Variants in RGL4 observed in about 807,000 individuals in gnomAD.
The protein encoded by RGL4 is ral-GDS-related protein.
In RGL4, 41 loss-of-function variants were observed where a neutral mutation model predicts 49.6. The ratio of observed to expected loss-of-function variants is 0.83; its 90% CI spans 0.64 to 1.07. The LOEUF is 1.07. Among genes scored for constraint, RGL4 ranks in the 50% least tolerant of loss-of-function variants. The pLI is 0.00. For synonymous variants in RGL4, 255 were observed against 238.0 expected (o/e 1.07, Z -0.66); for missense variants, 610 against 591.9 (o/e 1.03, Z -0.32).
Position 23,691,855 on chromosome 22 carries a change from G to A in RGL4, c.-176G>A. 5.0e-6 allele frequency: 3 copies of A among 600,554 alleles called. No individual in the cohort carries two copies. Among genetic ancestry groups the A allele is most frequent in the Non-Finnish European group, 5.8e-6 (2 of 345,452 alleles). The allele number at this position is 600,554 out of a possible 1,614,324, so 37.2% of individuals were successfully genotyped here. ...CCACAAGAGGCAAATAGTGAGTTCT[G>A]TAAATGGAGACTTAGGTCCCCTGCA... On this transcript the variant is annotated 5_prime_UTR_variant, in exon 1 of 11. Transcript: ENST00000290691.
rs1051577947 is a variant in RGL4, at chr22:23,698,092, G to T, written c.1261-120G>T. ...ATCCAACTCTGAGAACAGGCTGGGG[G>T]CGCTGCATGGGACCCCTTCAGAAAA... On this transcript the variant is annotated intron_variant, in intron 9 of 10. Coordinates refer to ENST00000290691, the MANE Select transcript of RGL4 (RefSeq NM_153615.2). 3.1e-5 allele frequency: 42 copies of T among 1,344,874 alleles called. 1 individual carries two copies. Among genetic ancestry groups the T allele is most frequent in the Non-Finnish European group, 4.1e-5 (40 of 980,292 alleles). 83.3% of individuals were successfully genotyped at this position (1,344,874 alleles called of 1,614,324 possible). A position where few individuals can be genotyped will look rare whatever the true frequency, so the allele number is the denominator to read the frequency against.
In RGL4 at chr22:23,695,614, C is replaced by T. The variant is rs575533814; in HGVS notation, c.1086+595C>T. 3.1e-4 allele frequency: 107 copies of T among 348,882 alleles called. 1 individual carries two copies. The Middle Eastern group carries it at 8.5e-3, about 28-fold the overall frequency. 21.6% of individuals were successfully genotyped at this position (348,882 alleles called of 1,614,324 possible). A position where few individuals can be genotyped will look rare whatever the true frequency, so the allele number is the denominator to read the frequency against. On this transcript the variant is annotated intron_variant, in intron 6 of 10. Coordinates refer to ENST00000290691, the MANE Select transcript of RGL4 (RefSeq NM_153615.2). ...TACCAATGGGCATACTGGGGACAGA[C>T]GTAGCTGTTTGCTGGGACTCCCCAC...
intron 6 of RGL4, among the ~76,000 whole-genome samples, chr22:23,695,831 A>AT (rs1923456483): frequency 6.6e-6 from 1 of 152,198 alleles, no homozygotes; most frequent in African/African-American, 2.4e-5. Context: ...AAACCCTGCC[A>AT]TTGCAGTCAG....
In RGL4 at chr22:23,691,088, G is replaced by C. The variant is rs1923107944; in HGVS notation, c.-943G>C. 1 of 152,180 alleles carries C rather than the reference G, an allele frequency of 6.6e-6. No homozygotes were observed. Among genetic ancestry groups the C allele is most frequent in the African/African-American group, 2.4e-5 (1 of 41,426 alleles). The allele number at this position is 152,180 out of a possible 1,614,324, so 9.4% of individuals were successfully genotyped here. On this transcript the variant is annotated 5_prime_UTR_variant, in exon 1 of 11. Coordinates refer to ENST00000290691, the MANE Select transcript of RGL4 (RefSeq NM_153615.2). The stretch of plus-strand genomic sequence containing the variant: ...AGACGAACCTCACAGGGTTCTTGTA[G>C]GGACTCAATGATCTAAGACACAGCA...
chr22:23,692,605 C>A, intron 2 of RGL4, 64 bp from the exon 3 acceptor site: 1 of 1,575,096 alleles, frequency 6.3e-7, no homozygotes, highest in South Asian at 1.2e-5. Context: ...TCCACCCGGT[C>A]ATTTCTGTGC....
chr22:23,697,845 C>T lies in RGL4; in HGVS notation c.1244C>T (p.Thr415Ile), dbSNP rs375983802. 6 of 1,607,200 alleles carry T rather than the reference C, an allele frequency of 3.7e-6. No homozygotes were observed. Among genetic ancestry groups the T allele is most frequent in the East Asian group, 4.5e-5 (2 of 44,666 alleles). ...SAIPDDLDGN[T>I]NKRSKEVRVL... is the part of the protein sequence containing the mutation. Reference sequence around the variant, plus strand: ...ACTCTGTCTGCCTTCCAGGGCAACACCAACAAGAGGAGCAAGGTGAGCAGC... The same window carrying T: ...ACTCTGTCTGCCTTCCAGGGCAACATCAACAAGAGGAGCAAGGTGAGCAGC... The change falls in exon 9 of 11, where the codon ACC (threonine) becomes ATC (isoleucine). Residue 415 changes from threonine to isoleucine, a missense_variant. By Grantham distance (89) the Thr-to-Ile change is moderately conservative. Coordinates refer to ENST00000290691, the MANE Select transcript of RGL4 (RefSeq NM_153615.2).
chr22:23,692,053 T>C lies in RGL4; in HGVS notation c.23T>C (p.Leu8Pro). ...TTGATGAGGAAGCTGCTCACAAATC[T>C]GCCTGCAGCTGCAGTCTTGAGTGCC... MRKLLTN[L>P]PAAAVLSAQV... The change falls in exon 1 of 11, where the codon CTG (leucine) becomes CCG (proline). Residue 8 changes from leucine to proline, a missense_variant. By Grantham distance (98) the Leu-to-Pro change is moderately conservative. Coordinates refer to ENST00000290691, the MANE Select transcript of RGL4 (RefSeq NM_153615.2). The C allele has an allele frequency of 6.2e-7, 1 of 1,613,954 alleles. No homozygotes were observed. The highest frequency in any genetic ancestry group is 8.5e-7 in the Non-Finnish European group (1 of 1,179,898).
intron 4 of RGL4, 103 bp downstream of exon 4, chr22:23,694,077 C>A (rs1021630421): frequency 5.0e-6 from 5 of 1,005,092 alleles, no homozygotes; most frequent in Non-Finnish European, 4.5e-6. Flanking sequence ...TGGCCTGGAC[C>A]CTGCACATCC....
rs1923155376 is a variant in RGL4, at chr22:23,691,889, G to A, written c.-142G>A. On this transcript the variant is annotated 5_prime_UTR_variant, in exon 1 of 11. Transcript: ENST00000290691. ...GACTTAGGTCCCCTGCAAAGCAGAG[G>A]GGAGGCTGGGGTCACAGCTGGCCAC... 1.3e-6 allele frequency: 1 copy of A among 771,122 alleles called. No individual in the cohort carries two copies. Among genetic ancestry groups the A allele is most frequent in the Non-Finnish European group, 2.1e-6 (1 of 484,374 alleles). The allele number at this position is 771,122 out of a possible 1,614,324, so 47.8% of individuals were successfully genotyped here. A position where few individuals can be genotyped will look rare whatever the true frequency, so the allele number is the denominator to read the frequency against.
chr22:23,692,290 G>A (rs755747879), intron 1 of RGL4, 45 bp from the exon 2 acceptor site: 2 of 1,609,050 alleles, frequency 1.2e-6, no homozygotes, highest in Non-Finnish European at 1.7e-6. Flanking sequence ...AGGGTTGTGT[G>A]GGAGAAGGCC....
intron 9 of RGL4, 78 bp downstream of exon 9, chr22:23,697,939 G>A (rs995513899): frequency 2.7e-6 from 4 of 1,505,706 alleles, no homozygotes; most frequent in Admixed American, 3.9e-5. Flanking sequence ...GACACTCCCT[G>A]GCTCCATCCT....
Position 23,695,463 on chromosome 22 carries a change from CT to C in RGL4, c.1086+445del. ...TCTGCTGCTGCTGCTGCTGCTGCTG[CT>C]GCTGCTGCTGCTGTCTGCAGCACAC... On this transcript the variant is annotated intron_variant, in intron 6 of 10. Coordinates refer to ENST00000290691, the MANE Select transcript of RGL4 (RefSeq NM_153615.2). The C allele has an allele frequency of 3.3e-6, 2 of 607,464 alleles. 1 individual carries two copies. Among genetic ancestry groups the C allele is most frequent in the Non-Finnish European group, 5.5e-6 (2 of 364,534 alleles). 37.6% of individuals were successfully genotyped at this position (607,464 alleles called of 1,614,324 possible).
chr22:23,696,607 C>T lies in RGL4; in HGVS notation c.1087-7C>T. ...GCCTCACTGTCCCTGTCGCTGACAC[C>T]TGGCAGGCGGGGAGCTTTAAGGTGG... On this transcript the variant is annotated splice_region_variant and splice_polypyrimidine_tract_variant and intron_variant, in intron 6 of 10. Transcript: ENST00000290691. 1 of 1,613,800 alleles carries T rather than the reference C, an allele frequency of 6.2e-7. No homozygotes were observed. The highest frequency in any genetic ancestry group is 8.5e-7 in the Non-Finnish European group (1 of 1,179,838).
Position 23,693,765 on chromosome 22 carries a change from T to C in RGL4, c.703T>C (p.Phe235Leu). 1 of 1,613,886 alleles carries C rather than the reference T, an allele frequency of 6.2e-7. No individual in the cohort carries two copies. Residue 235 changes from phenylalanine (F) to leucine (L), a missense_variant, in exon 4 of 11, where the codon TTC (phenylalanine) becomes CTC (leucine). Transcript: ENST00000290691. ...CTCTCCTCCTCCCCCAAAGGAGCTG[T>C]TCAAGAAGGTGGTGCTCCACGAATG... The part of the protein sequence containing the change: ...EQLTLMDAEL[F>L]KKVVLHECLG...
rs543451821 is a variant in RGL4 at position 23,698,242 on chromosome 22, C to T, written c.1291C>T (p.Leu431Phe). The T allele has an allele frequency of 2.5e-6, 4 of 1,610,776 alleles. No individual in the cohort carries two copies. Among genetic ancestry groups the T allele is most frequent in the African/African-American group, 1.3e-5 (1 of 75,000 alleles). ...EVRVLQEMQL[L>F]QVAAMNYRLR... The stretch of plus-strand genomic sequence containing the variant: ...CCGAGTTCTGCAGGAAATGCAGCTG[C>T]TCCAAGTGGCTGCCATGAATTACAG... Residue 431 changes from leucine (L) to phenylalanine (F), a missense_variant, in exon 10 of 11, where the codon CTC (leucine) becomes TTC (phenylalanine). Transcript: ENST00000290691.
In RGL4 at chr22:23,692,316, C is replaced by T; in HGVS notation, c.180-19C>T. 1 of 1,612,768 alleles carries T rather than the reference C, an allele frequency of 6.2e-7. No homozygotes were observed. The highest frequency in any genetic ancestry group is 8.5e-7 in the Non-Finnish European group (1 of 1,179,054). On this transcript the variant is annotated intron_variant, in intron 1 of 10. Coordinates refer to ENST00000290691, the MANE Select transcript of RGL4 (RefSeq NM_153615.2). Reference sequence around the variant, plus strand: ...GGAGAAGGCCAGGCCTCTGACTCAGCTGTCTACTCCATCACCAGCACCATC... The same window carrying T: ...GGAGAAGGCCAGGCCTCTGACTCAGTTGTCTACTCCATCACCAGCACCATC...
rs373692952 is a variant in RGL4 at position 23,698,359 on chromosome 22, G to A, written c.1382+26G>A. 2.5e-6 allele frequency: 4 copies of A among 1,587,564 alleles called. No homozygotes were observed. In the African/African-American group the frequency reaches 5.4e-5, roughly 21 times the overall value. Reference sequence around the variant, plus strand: ...GTGAGGGCCTAGCCCATGGGCTGAGGGTGGGAGAAGGCTCTCCATTTTTTT... The same window carrying A: ...GTGAGGGCCTAGCCCATGGGCTGAGAGTGGGAGAAGGCTCTCCATTTTTTT... On this transcript the variant is annotated intron_variant, in intron 10 of 10. Transcript: ENST00000290691.
intron 7 of RGL4, 131 bp downstream of exon 7, chr22:23,696,819 G>T: frequency 1.3e-6 from 1 of 783,784 alleles, no homozygotes; most frequent in Non-Finnish European, 2.0e-6. Flanking sequence ...TGGCCACTGG[G>T]CCTGGAAAAC....
rs1040837303 is a variant in RGL4, at chr22:23,691,124, T to C, written c.-907T>C. 3.9e-5 allele frequency: 6 copies of C among 152,002 alleles called. No individual in the cohort carries two copies. Among genetic ancestry groups the C allele is most frequent in the African/African-American group, 1.4e-4 (6 of 41,382 alleles). 9.4% of individuals were successfully genotyped at this position (152,002 alleles called of 1,614,324 possible). On this transcript the variant is annotated 5_prime_UTR_variant, in exon 1 of 11. Coordinates refer to ENST00000290691, the MANE Select transcript of RGL4 (RefSeq NM_153615.2). The stretch of plus-strand genomic sequence containing the variant: ...ATCTAAGACACAGCAAACAAAGGGG[T>C]CCCTAGAGCCTAAAACTCTGGAAAA...
Sources: allele counts gnomAD v4.1 joint callset (sites outside exome capture counted in the v4.1 genomes callset), GRCh38; gene constraint gnomAD v4.1.1; transcripts MANE v1.5; gene names NCBI Gene and HGNC (gene_info 2026-07-23, HGNC 2026-07-21).